The following KATNA1 variants were observed in gnomAD, a reference collection of about 807,000 sequenced individuals.
KATNA1 encodes the protein katanin catalytic subunit A1, also known as katanin p60 ATPase-containing subunit A1.
In KATNA1, 42 loss-of-function variants were observed where a neutral mutation model predicts 62.6. The observed-to-expected ratio is 0.67, with a 90% confidence interval of 0.52 to 0.87. The LOEUF (loss-of-function observed/expected upper bound fraction) is 0.87, where lower values mean the gene tolerates loss of function less well. KATNA1 is among the 40% of genes least tolerant of loss of function. The pLI is 0.00. For missense variants in KATNA1, 498 were observed against 612.5 expected, an observed-to-expected ratio of 0.81 and a Z score of 1.97; for synonymous variants, 186 against 201.9, an observed-to-expected ratio of 0.92 and a Z score of 0.67.
At chr6:149,612,754 T>A (rs1269359348) in intron 4 of KATNA1, among the ~76,000 whole-genome samples, 1 of 152,086 alleles carries the variant, frequency 6.6e-6, no homozygotes, top group Non-Finnish European at 1.5e-5. Context: ...AAGAATTACA[T>A]ACCATGACCA....
intron 4 of KATNA1, among the ~76,000 whole-genome samples, chr6:149,617,353 AAAAT>A (rs1413196404): frequency 6.6e-6 from 1 of 152,098 alleles, no homozygotes; most frequent in Non-Finnish European, 1.5e-5. Flanking sequence ...CAACTTTTAA[AAAAT>A]AAATAATTTT....
intron 2 of KATNA1, among the ~76,000 whole-genome samples, chr6:149,636,337 G>A (rs917971587): frequency 5.9e-5 from 9 of 151,868 alleles, no homozygotes; most frequent in East Asian, 1.9e-4. Flanking sequence ...TTTGGGAGGC[G>A]GAGCCAAGAG....
At chr6:149,616,365 G>A (rs960928891) in intron 4 of KATNA1, among the ~76,000 whole-genome samples, 4 of 152,158 alleles carry the variant, frequency 2.6e-5, no homozygotes, top group African/African-American at 4.8e-5. Context: ...AAAGAAACCC[G>A]AAAATAACAA....
chr6:149,647,445 C>T (rs1044410075), intron 1 of KATNA1, among the ~76,000 whole-genome samples: 3 of 146,784 alleles, frequency 2.0e-5, no homozygotes, highest in Non-Finnish European at 3.0e-5. Flanking sequence ...ATCGCTTGAA[C>T]CCGGGAGGCG....
intron 3 of KATNA1, among the ~76,000 whole-genome samples, chr6:149,629,906 G>A (rs565607952): frequency 2.0e-5 from 3 of 152,074 alleles, no homozygotes; most frequent in Non-Finnish European, 4.4e-5. Flanking sequence ...ATCAGAAATT[G>A]GGGCTAAAAA....
chr6:149,636,400 C>T (rs941985313), intron 2 of KATNA1, among the ~76,000 whole-genome samples: 1 of 151,878 alleles, frequency 6.6e-6, no homozygotes, highest in Non-Finnish European at 1.5e-5. Context: ...AGTGAGATGC[C>T]ATGTCTGTAA....
intron 4 of KATNA1, among the ~76,000 whole-genome samples, chr6:149,622,572 T>C (rs1263983156): frequency 1.3e-5 from 2 of 152,092 alleles, no homozygotes; most frequent in Admixed American, 1.3e-4. Flanking sequence ...TCTGAAATTA[T>C]ATCACAATAT....
intron 6 of KATNA1, among the ~76,000 whole-genome samples, chr6:149,602,322 G>A (rs543977200): frequency 2.0e-5 from 3 of 152,072 alleles, no homozygotes; most frequent in African/African-American, 7.2e-5. Flanking sequence ...AGGCAAGATC[G>A]CACTGCACTC....
intron 3 of KATNA1, among the ~76,000 whole-genome samples, chr6:149,632,058 G>A (rs1229497979): frequency 6.6e-6 from 1 of 152,096 alleles, no homozygotes; most frequent in Non-Finnish European, 1.5e-5. Flanking sequence ...ATCCCTGTTT[G>A]AGAACCACTG....
chr6:149,601,177 CATT>C (rs1447058318), intron 7 of KATNA1, among the ~76,000 whole-genome samples: 1 of 152,142 alleles, frequency 6.6e-6, no homozygotes, highest in African/African-American at 2.4e-5. Flanking sequence ...AAGATTAGGT[CATT>C]AAAATGAAGG....
chr6:149,597,745 G>A, intron 8 of KATNA1, 104 bp from the exon 9 acceptor site: 1 of 1,093,680 alleles, frequency 9.1e-7, no homozygotes, highest in South Asian at 1.5e-5. Context: ...AACAATACAA[G>A]GAAGCACAGT....
rs184220861 is a variant in KATNA1 at position 149,633,350 on chromosome 6, A to T, written c.163-434T>A. Among the ~76,000 whole-genome samples the T allele has an allele frequency of 3.6e-3, 551 of 151,844 alleles. 3 individuals carry two copies. Among genetic ancestry groups the T allele is most frequent in the African/African-American group, 0.013 (524 of 41,426 alleles). On this transcript the variant is annotated intron_variant, in intron 2 of 10. Transcript: ENST00000367411. ...TCTTGATCTCCTGACCTCGTGATCC[A>T]CCCGCCTAGGCCTCCCAAAATGCTG...
chr6:149,635,536 G>A (rs1315636621), intron 2 of KATNA1, among the ~76,000 whole-genome samples: 3 of 151,308 alleles, frequency 2.0e-5, no homozygotes, highest in Admixed American at 6.6e-5. Context: ...CAAAAACCCC[G>A]TCTCTACTAA....
chr6:149,601,799 T>C, intron 6 of KATNA1, 47 bp from the exon 7 acceptor site: 1 of 1,418,048 alleles, frequency 7.1e-7, no homozygotes, highest in Non-Finnish European at 9.3e-7. Context: ...CTGCCATTGT[T>C]CTAATTCATA....
chr6:149,601,723 C>T lies in KATNA1; in HGVS notation c.759G>A (p.Thr253=), dbSNP rs746290683. The part of the protein sequence containing the change: ...KGVLMVGPPG[T]GKTLLAKAVA... ...CTGCTTTAGCAAGGAGCGTCTTCCC[C>T]GTGCCAGGTGGGCCGACCATCAGTA... Residue 253 remains threonine (T), a synonymous_variant, in exon 7 of 11, where the codon ACG becomes ACA. Transcript: ENST00000367411. The T allele has an allele frequency of 1.2e-5, 20 of 1,607,762 alleles. No individual in the cohort carries two copies. The highest frequency in any genetic ancestry group is 3.3e-5 in the South Asian group (3 of 89,884).
intron 7 of KATNA1, among the ~76,000 whole-genome samples, chr6:149,600,221 G>A (rs113180634): frequency 1.9e-3 from 181 of 97,416 alleles, no homozygotes; most frequent in Middle Eastern, 6.8e-3. Flanking sequence ...AAAAAAAAAA[G>A]CTGAACACAA....
intron 3 of KATNA1, among the ~76,000 whole-genome samples, chr6:149,627,459 G>C (rs1180664525): frequency 6.6e-6 from 1 of 150,854 alleles, no homozygotes; most frequent in Non-Finnish European, 1.5e-5. Flanking sequence ...CCAGCTACTT[G>C]GGAGGCTGCA....
chr6:149,611,862 G>A (rs1457989173), intron 4 of KATNA1, among the ~76,000 whole-genome samples: 1 of 152,110 alleles, frequency 6.6e-6, no homozygotes, highest in Non-Finnish European at 1.5e-5. Flanking sequence ...AGCCGGGTGT[G>A]GTGGCGGGCG....
chr6:149,613,891 C>T (rs937804708), intron 4 of KATNA1, among the ~76,000 whole-genome samples: 5 of 152,054 alleles, frequency 3.3e-5, no homozygotes, highest in Admixed American at 3.3e-4. Flanking sequence ...GGATTAAGGC[C>T]CTTACAAAGA....
Sources: gnomAD v4.1 joint callset for allele counts (sites outside exome capture counted in the v4.1 genomes callset) on GRCh38, gnomAD v4.1.1 for gene constraint, MANE v1.5 for transcripts, NCBI Gene and HGNC (gene_info 2026-07-23, HGNC 2026-07-21) for gene names.